Variants in PPP2R2B observed in about 807,000 individuals in gnomAD.
The protein encoded by PPP2R2B is serine/threonine-protein phosphatase 2A 55 kDa regulatory subunit B beta isoform.
A neutral mutation model predicts 46.0 loss-of-function variants in PPP2R2B; 5 were observed. That is an observed-to-expected ratio of 0.11 (90% CI 0.06 to 0.23). The LOEUF is 0.23. Ranked by LOEUF, PPP2R2B falls within the 10% of genes least tolerant of loss-of-function variation. The pLI is 1.00. For synonymous variants in PPP2R2B, 215 were observed against 206.7 expected, an observed-to-expected ratio of 1.04 and a Z score of -0.34; for missense variants, 367 against 575.0, an observed-to-expected ratio of 0.64 and a Z score of 3.70.
intron 2 of PPP2R2B, among the ~76,000 whole-genome samples, chr5:146,716,752 C>T (rs986922724): frequency 6.6e-6 from 1 of 152,138 alleles, no homozygotes; most frequent in Non-Finnish European, 1.5e-5. Flanking sequence ...AAATTATTCT[C>T]TTCTAGAAAC....
chr5:146,995,347 T>C (rs1262786927), intron 1 of PPP2R2B, among the ~76,000 whole-genome samples: 1 of 152,170 alleles, frequency 6.6e-6, no homozygotes, highest in Non-Finnish European at 1.5e-5. Flanking sequence ...AAAGAAGGAA[T>C]AAATGACCTG....
intron 5 of PPP2R2B, among the ~76,000 whole-genome samples, chr5:146,682,470 A>T (rs747162678): frequency 3.3e-5 from 5 of 152,182 alleles, no homozygotes; most frequent in Non-Finnish European, 5.9e-5. Flanking sequence ...AAGTATAGTT[A>T]TTATTCTGGA....
chr5:146,891,759 G>A (rs1409906123), intron 1 of PPP2R2B, among the ~76,000 whole-genome samples: 1 of 152,216 alleles, frequency 6.6e-6, no homozygotes, highest in Non-Finnish European at 1.5e-5. Context: ...CTAGTGGAAT[G>A]AGAATAGCTT....
intron 2 of PPP2R2B, among the ~76,000 whole-genome samples, chr5:146,799,612 A>T (rs1756744493): frequency 6.6e-6 from 1 of 152,232 alleles, no homozygotes; most frequent in African/African-American, 2.4e-5. Flanking sequence ...AGGTGAACAA[A>T]AGAGATTCAG....
At chr5:146,845,981 T>G (rs988029563) in intron 2 of PPP2R2B, among the ~76,000 whole-genome samples, 4 of 152,282 alleles carry the variant, frequency 2.6e-5, no homozygotes, top group African/African-American at 9.6e-5. Context: ...AAATATACAC[T>G]GAGTTCTGAA....
intron 2 of PPP2R2B, among the ~76,000 whole-genome samples, chr5:146,837,497 C>G (rs1759357654): frequency 6.6e-6 from 1 of 152,094 alleles, no homozygotes; most frequent in South Asian, 2.1e-4. Flanking sequence ...TAAGGTGGCA[C>G]AGTGAAGTGC....
rs34269274 is a variant in PPP2R2B, at chr5:146,832,379, C to CTTTT, written c.70+45619_70+45622dup. ...CACAAGTAAGTGTGCCATTTTTAAT[C>CTTTT]TTTTTTTTTTTTTTTTTTTTTTTTT... On this transcript the variant is annotated intron_variant, in intron 2 of 9. Coordinates refer to ENST00000394411, the MANE Select transcript of PPP2R2B (RefSeq NM_181675.4). Among the ~76,000 whole-genome samples, 199 of 70,162 alleles carry CTTTT rather than the reference C, an allele frequency of 2.8e-3. 5 individuals carry two copies. Among genetic ancestry groups the CTTTT allele is most frequent in the African/African-American group, 5.8e-3 (112 of 19,286 alleles). The allele number at this position is 70,162 out of a possible 152,430, so 46.0% of individuals were successfully genotyped here.
At chr5:146,958,722 C>A (rs1752032975) in intron 1 of PPP2R2B, among the ~76,000 whole-genome samples, 1 of 152,152 alleles carries the variant, frequency 6.6e-6, no homozygotes, top group Non-Finnish European at 1.5e-5. Context: ...ACTTGAAAGG[C>A]CATAGTATAA....
At chr5:146,682,290 G>C (rs529210586) in intron 5 of PPP2R2B, among the ~76,000 whole-genome samples, 1 of 152,078 alleles carries the variant, frequency 6.6e-6, no homozygotes, top group Non-Finnish European at 1.5e-5. Flanking sequence ...ATACTACTTC[G>C]AACTTTTCAA....
At chr5:146,804,919 G>A (rs1369601122) in intron 2 of PPP2R2B, among the ~76,000 whole-genome samples, 4 of 152,098 alleles carry the variant, frequency 2.6e-5, no homozygotes, top group East Asian at 3.9e-4. Context: ...ATGAAGAAAA[G>A]CATTCTAATA....
chr5:147,035,733 T>C (rs1435347035), intron 1 of PPP2R2B, among the ~76,000 whole-genome samples: 1 of 151,990 alleles, frequency 6.6e-6, no homozygotes, highest in East Asian at 1.9e-4. Context: ...CTTAGGAAGA[T>C]AAACAACCTC....
chr5:147,016,374 A>C (rs910737443), intron 1 of PPP2R2B, among the ~76,000 whole-genome samples: 1 of 151,308 alleles, frequency 6.6e-6, no homozygotes, highest in East Asian at 2.1e-4. Context: ...GGGGACAATC[A>C]TCTTCTAACA....
chr5:146,903,336 C>T (rs1484913432), intron 1 of PPP2R2B, among the ~76,000 whole-genome samples: 6 of 109,686 alleles, frequency 5.5e-5, no homozygotes, highest in African/African-American at 2.9e-4. Flanking sequence ...TTAAGAAACA[C>T]TGTTTTTTTT....
At chr5:147,060,557 G>T (rs866789364), upstream of PPP2R2B, among the ~76,000 whole-genome samples, 9 of 152,152 alleles carry the variant, frequency 5.9e-5, no homozygotes, top group Non-Finnish European at 1.2e-4. Context: ...GAGCCTGGGA[G>T]GTTGAGGCTG....
chr5:146,999,236 A>C (rs1754058477), intron 1 of PPP2R2B, among the ~76,000 whole-genome samples: 1 of 152,184 alleles, frequency 6.6e-6, no homozygotes, highest in Non-Finnish European at 1.5e-5. Flanking sequence ...AGTAGAATAA[A>C]GATATTGATT....
intron 1 of PPP2R2B, among the ~76,000 whole-genome samples, chr5:147,025,106 A>T (rs1360939411): frequency 1.3e-5 from 2 of 152,124 alleles, no homozygotes; most frequent in Non-Finnish European, 2.9e-5. Context: ...GGATCTCATT[A>T]TAGGTCTTAC....
At chr5:146,749,744 G>A (rs1025210821) in intron 2 of PPP2R2B, among the ~76,000 whole-genome samples, 2 of 151,264 alleles carry the variant, frequency 1.3e-5, no homozygotes, top group South Asian at 2.1e-4. Context: ...GACTACAGGC[G>A]CCTGCCACCA....
intron 7 of PPP2R2B, among the ~76,000 whole-genome samples, chr5:146,619,190 C>T (rs927895512): frequency 6.6e-6 from 1 of 151,226 alleles, no homozygotes; most frequent in African/African-American, 2.4e-5. Context: ...CAATAGGGAA[C>T]AGTAGGGACT....
chr5:146,727,587 G>T (rs1324790660), intron 2 of PPP2R2B, among the ~76,000 whole-genome samples: 1 of 152,042 alleles, frequency 6.6e-6, no homozygotes, highest in Admixed American at 6.6e-5. Context: ...ACTCTATTTA[G>T]ATAGGTGCAG....
Sources: gnomAD v4.1 joint callset for allele counts (sites outside exome capture counted in the v4.1 genomes callset) on GRCh38, gnomAD v4.1.1 for gene constraint, MANE v1.5 for transcripts, NCBI Gene and HGNC (gene_info 2026-07-23, HGNC 2026-07-21) for gene names.